Variants in CADPS observed in about 807,000 individuals in gnomAD.
CADPS encodes calcium dependent secretion activator, also known as calcium-dependent secretion activator 1.
CADPS carries 57 observed loss-of-function variants against 167.3 expected under a neutral mutation model. That is an observed-to-expected ratio of 0.34 (90% CI 0.28 to 0.42). The LOEUF is 0.42. CADPS is among the 20% of genes least tolerant of loss of function. The probability of loss-of-function intolerance (pLI) is 1.00; values close to 1 mark genes in which losing one functional copy is unlikely to be tolerated. For missense variants in CADPS, 1,414 were observed against 1,738.1 expected (o/e 0.81, Z 3.32); for synonymous variants, 676 against 635.3 (o/e 1.06, Z -0.96).
At chr3:62,794,633 G>A (rs1462893479) in intron 1 of CADPS, among the ~76,000 whole-genome samples, 1 of 152,026 alleles carries the variant, frequency 6.6e-6, no homozygotes, top group African/African-American at 2.4e-5. Context: ...ATTTATGGTA[G>A]ATGGTAATGA....
chr3:62,568,382 T>C (rs1230058236), intron 9 of CADPS, among the ~76,000 whole-genome samples: 1 of 152,224 alleles, frequency 6.6e-6, no homozygotes, highest in Non-Finnish European at 1.5e-5. Context: ...CCAGTGCAGC[T>C]AGAACGAAGC....
chr3:62,402,711 G>A lies in CADPS; in HGVS notation c.3882+370C>T, dbSNP rs796361698. Among the ~76,000 whole-genome samples, 5 of 152,138 alleles carry A rather than the reference G, an allele frequency of 3.3e-5. No individual in the cohort carries two copies. The East Asian group carries it at 5.8e-4, about 18-fold the overall frequency. On this transcript the variant is annotated intron_variant, in intron 29 of 29. Transcript: ENST00000383710. ...TAAATATTTCTATTAAATTAATAGC[G>A]GCAACATTTTATTTAATTAAACTAT...
chr3:62,637,879 A>G (rs1393575863), intron 6 of CADPS, among the ~76,000 whole-genome samples: 2 of 152,114 alleles, frequency 1.3e-5, no homozygotes, highest in Non-Finnish European at 2.9e-5. Flanking sequence ...ATGGTAGGGC[A>G]TTAAATAAAA....
rs911290102 is a variant in CADPS at position 62,544,256 on chromosome 3, T to C, written c.1966+5647A>G. Among the ~76,000 whole-genome samples the C allele has an allele frequency of 6.6e-6, 1 of 152,160 alleles. No individual in the cohort carries two copies. The highest frequency in any genetic ancestry group is 1.5e-5 in the Non-Finnish European group (1 of 68,022). ...CACCCTTAAGCCAGCTAGAATGAAC[T>C]CTTTAGTGTTCAAATAATGCATTTG... On this transcript the variant is annotated intron_variant, in intron 11 of 29. Coordinates refer to ENST00000383710, the MANE Select transcript of CADPS (RefSeq NM_003716.4). The surrounding 1 kb of genome is among the most constrained non-coding windows in gnomAD (Gnocchi z 4.4).
At chr3:62,770,641 G>C (rs1019504926) in intron 1 of CADPS, among the ~76,000 whole-genome samples, 1 of 152,136 alleles carries the variant, frequency 6.6e-6, no homozygotes, top group Non-Finnish European at 1.5e-5. Flanking sequence ...GATCAGGCTG[G>C]TCTTGAACTC....
chr3:62,510,454 T>C (rs1190405944), intron 17 of CADPS, among the ~76,000 whole-genome samples: 2 of 152,284 alleles, frequency 1.3e-5, no homozygotes, highest in South Asian at 2.1e-4. Flanking sequence ...GGGTTCAGAA[T>C]GTGTGACGGT....
intron 1 of CADPS, among the ~76,000 whole-genome samples, chr3:62,790,275 A>G (rs12638077): frequency 0.55 from 83,584 of 151,880 alleles, 25,851 homozygotes; most frequent in East Asian, 0.88. Flanking sequence ...GAATAACTGG[A>G]TTGTGGGTGA....
intron 5 of CADPS, among the ~76,000 whole-genome samples, chr3:62,649,054 C>T (rs1306029262): frequency 6.6e-6 from 1 of 152,178 alleles, no homozygotes; most frequent in Non-Finnish European, 1.5e-5. Flanking sequence ...TAATTCACAG[C>T]AGGCTTTAAT....
chr3:62,539,244 G>A (rs1026455788), intron 11 of CADPS, among the ~76,000 whole-genome samples: 5 of 152,036 alleles, frequency 3.3e-5, no homozygotes, highest in East Asian at 1.9e-4. Context: ...TGTAAGAGGA[G>A]CTGAATTTTC....
chr3:62,677,965 T>C (rs890347450), intron 3 of CADPS, among the ~76,000 whole-genome samples: 3 of 152,120 alleles, frequency 2.0e-5, no homozygotes, highest in Non-Finnish European at 4.4e-5. Context: ...GTGTGTAATA[T>C]CTTACACAGG....
intron 22 of CADPS, among the ~76,000 whole-genome samples, chr3:62,481,366 A>G (rs1453736538): frequency 6.6e-6 from 1 of 152,238 alleles, no homozygotes; most frequent in African/African-American, 2.4e-5. Context: ...ATCAGGCCAG[A>G]GATGACTGGC....
rs370779538 is a variant in CADPS at position 62,582,679 on chromosome 3, G to A, written c.1577+2506C>T. Among the ~76,000 whole-genome samples the A allele has an allele frequency of 1.6e-4, 24 of 152,228 alleles. 2 individuals carry two copies. The highest frequency in any genetic ancestry group is 1.2e-3 in the East Asian group (6 of 5,174). ...CGATGGTGTTATTAAGGCACTCACC[G>A]TTCACTTTTCAGAGCTATTTTAAGC... On this transcript the variant is annotated intron_variant, in intron 8 of 29. Coordinates refer to ENST00000383710, the MANE Select transcript of CADPS (RefSeq NM_003716.4).
intron 1 of CADPS, among the ~76,000 whole-genome samples, chr3:62,817,460 TGGAAAA>T (rs946966712): frequency 3.9e-5 from 6 of 152,152 alleles, no homozygotes. Flanking sequence ...CAGGGCTCCC[TGGAAAA>T]GGAAAAAATC....
chr3:62,664,833 A>T (rs1282022325), intron 3 of CADPS, among the ~76,000 whole-genome samples: 1 of 152,248 alleles, frequency 6.6e-6, no homozygotes, highest in Admixed American at 6.5e-5. Context: ...CACTGGCTTC[A>T]TAGAAGGCAA....
intron 1 of CADPS, among the ~76,000 whole-genome samples, chr3:62,818,465 G>A (rs1460094407): frequency 6.6e-6 from 1 of 152,128 alleles, no homozygotes; most frequent in Non-Finnish European, 1.5e-5. Flanking sequence ...TAGGTATCAG[G>A]AAAATGCAAA....
chr3:62,875,222 C>T lies in CADPS; in HGVS notation c.-193G>A. Reference sequence around the variant, plus strand: ...GGCGGTCGCGAGCTGGGCTCAGACCCAGAAGCGCGAAGGGAGGAGGGGAAG... The same window carrying T: ...GGCGGTCGCGAGCTGGGCTCAGACCTAGAAGCGCGAAGGGAGGAGGGGAAG... On this transcript the variant is annotated 5_prime_UTR_variant, in exon 1 of 30. Transcript: ENST00000383710. The T allele has an allele frequency of 4.7e-6, 3 of 631,746 alleles. No individual in the cohort carries two copies. The highest frequency in any genetic ancestry group is 4.5e-5 in the South Asian group (1 of 22,328). 39.1% of individuals were successfully genotyped at this position (631,746 alleles called of 1,614,324 possible). A position where few individuals can be genotyped will look rare whatever the true frequency, so the allele number is the denominator to read the frequency against.
At chr3:62,710,595 A>C (rs1280765099) in intron 3 of CADPS, among the ~76,000 whole-genome samples, 1 of 151,922 alleles carries the variant, frequency 6.6e-6, no homozygotes, top group African/African-American at 2.4e-5. Context: ...TCTCTCAGTC[A>C]GTAATATACA....
chr3:62,576,788 T>TAAAAAAAAAAAAAAAA lies in CADPS; in HGVS notation c.1578-5866_1578-5851dup, dbSNP rs138055445. 1.9e-3 allele frequency among the ~76,000 whole-genome samples: 56 copies of TAAAAAAAAAAAAAAAA among 29,846 alleles called. 2 individuals are homozygous for TAAAAAAAAAAAAAAAA. The East Asian group carries it at 0.022, about 12-fold the overall frequency. 19.6% of individuals were successfully genotyped at this position (29,846 alleles called of 152,430 possible). On this transcript the variant is annotated intron_variant, in intron 8 of 29. Coordinates refer to ENST00000383710, the MANE Select transcript of CADPS (RefSeq NM_003716.4). ...CTGGGTGACAGAGCAAGACTCTGTC[T>TAAAAAAAAAAAAAAAA]AAAAAAAAAAAAAAAAAAAAAAAAA... is the stretch of plus-strand genomic sequence containing the variant.
At chr3:62,586,611 G>C (rs1316485984) in intron 7 of CADPS, among the ~76,000 whole-genome samples, 1 of 152,162 alleles carries the variant, frequency 6.6e-6, no homozygotes, top group Non-Finnish European at 1.5e-5. Flanking sequence ...CCCTGTCTCT[G>C]ATGAAATATA....
Sources: allele counts gnomAD v4.1 joint callset (sites outside exome capture counted in the v4.1 genomes callset), GRCh38; gene constraint gnomAD v4.1.1; non-coding constraint Gnocchi (gnomAD v3.1); transcripts MANE v1.5; gene names NCBI Gene and HGNC (gene_info 2026-07-23, HGNC 2026-07-21).